Variants in ARHGEF4 observed in about 807,000 individuals in gnomAD.
ARHGEF4 encodes the protein APC-stimulated guanine nucleotide exchange factor 1.
Under a neutral mutation model 162.0 loss-of-function variants are expected in ARHGEF4, and 119 were observed. That is an observed-to-expected ratio of 0.73 (90% confidence interval 0.63 to 0.86). The LOEUF (loss-of-function observed/expected upper bound fraction) is 0.86, where lower values mean the gene tolerates loss of function less well. Ranked by LOEUF, ARHGEF4 falls within the 40% of genes least tolerant of loss-of-function variation. ARHGEF4 has a pLI of 0.00. For synonymous variants in ARHGEF4, 1,014 were observed against 979.9 expected (o/e 1.03, Z -0.65); for missense variants, 2,488 against 2,456.0 (o/e 1.01, Z -0.28).
At chr2:130,907,115 C>T (rs1402655186) in intron 1 of ARHGEF4, among the ~76,000 whole-genome samples, 3 of 151,446 alleles carry the variant, frequency 2.0e-5, no homozygotes, top group Non-Finnish European at 4.4e-5. Context: ...ATAAATGGAT[C>T]ATACAATATG....
intron 4 of ARHGEF4, among the ~76,000 whole-genome samples, chr2:131,001,904 A>G (rs1687796607): frequency 1.3e-5 from 2 of 152,200 alleles, no homozygotes; most frequent in Admixed American, 1.3e-4. Context: ...CTGGAGAGGA[A>G]GCTAGGGAGG....
chr2:130,844,036 C>G (rs775235392), intron 1 of ARHGEF4, among the ~76,000 whole-genome samples: 26 of 152,234 alleles, frequency 1.7e-4, no homozygotes, highest in Non-Finnish European at 2.9e-4. Flanking sequence ...GAGACTCCAG[C>G]CACTGTTTAT....
intron 1 of ARHGEF4, among the ~76,000 whole-genome samples, chr2:130,891,040 A>G (rs1480361215): frequency 6.6e-6 from 1 of 152,148 alleles, no homozygotes; most frequent in Non-Finnish European, 1.5e-5. Context: ...TAGTGAGTGT[A>G]TCTCTGCCTC....
intron 4 of ARHGEF4, among the ~76,000 whole-genome samples, chr2:130,957,001 A>G (rs886837765): frequency 6.6e-6 from 1 of 152,116 alleles, no homozygotes; most frequent in Non-Finnish European, 1.5e-5. Context: ...ATATAAATAC[A>G]TAAAAAATAA....
intron 6 of ARHGEF4, 131 bp from the exon 7 acceptor site, chr2:131,039,885 G>A (rs1158727806): frequency 7.0e-7 from 1 of 1,431,856 alleles, no homozygotes; most frequent in East Asian, 2.6e-5. Context: ...GGAGCTGGCC[G>A]GCCAGTCCTC....
At position 131,046,415 on chromosome 2, in the gene ARHGEF4, ACACCG is replaced by A; in HGVS notation, c.*228_*232del. 2 of 547,248 alleles carry A rather than the reference ACACCG, an allele frequency of 3.7e-6. No individual in the cohort carries two copies. The highest frequency in any genetic ancestry group is 6.5e-6 in the Non-Finnish European group (2 of 309,060). The allele number at this position is 547,248 out of a possible 1,614,324, so 33.9% of individuals were successfully genotyped here. A position where few individuals can be genotyped will look rare whatever the true frequency, so the allele number is the denominator to read the frequency against. On this transcript the variant is annotated 3_prime_UTR_variant, in exon 14 of 14. Coordinates refer to ENST00000409359, the MANE Select transcript of ARHGEF4 (RefSeq NM_001367493.1). The stretch of plus-strand genomic sequence containing the variant: ...CAAGGGGGCAGACCCCGCACTCGCC[ACACCG>A]CCGCTGCAGCTTGGGCCCCATCCGC...
At chr2:130,976,899 ATTAG>A (rs1006899100) in intron 4 of ARHGEF4, among the ~76,000 whole-genome samples, 4 of 151,458 alleles carry the variant, frequency 2.6e-5, no homozygotes, top group Admixed American at 1.3e-4. Context: ...TGTGGTATGC[ATTAG>A]TGTGTGGTGT....
At chr2:130,878,979 C>A (rs894653324) in intron 1 of ARHGEF4, among the ~76,000 whole-genome samples, 1 of 152,172 alleles carries the variant, frequency 6.6e-6, no homozygotes, top group Non-Finnish European at 1.5e-5. Context: ...CCAGGCAAGG[C>A]AACATGGGAG....
At chr2:130,925,716 G>A (rs1488622029) in intron 2 of ARHGEF4, among the ~76,000 whole-genome samples, 2 of 152,174 alleles carry the variant, frequency 1.3e-5, no homozygotes, top group Non-Finnish European at 2.9e-5. Context: ...TAAGGAAGGT[G>A]TCTTTTTACC....
chr2:130,876,594 A>T (rs376381408), intron 1 of ARHGEF4, among the ~76,000 whole-genome samples: 1 of 152,018 alleles, frequency 6.6e-6, no homozygotes, highest in Admixed American at 6.6e-5. Flanking sequence ...GGGTTTCACC[A>T]TGTTAGCCAG....
chr2:131,040,098 C>G lies in ARHGEF4; in HGVS notation c.4388C>G (p.Ala1463Gly), dbSNP rs773215317. 1 of 1,610,006 alleles carries G rather than the reference C, an allele frequency of 6.2e-7. No individual in the cohort carries two copies. Among genetic ancestry groups the G allele is most frequent in the Non-Finnish European group, 8.5e-7 (1 of 1,177,884 alleles). Residue 1463 changes from alanine (A) to glycine (G), a missense_variant, in exon 7 of 14, where the codon GCG becomes GGG. Physicochemically the swap from Ala to Gly is moderately conservative, Grantham distance 60 (BLOSUM62 0). This residue lies in a region of ARHGEF4 where 174 missense variants were observed against 148.3 expected (regional missense o/e 1.17). Transcript: ENST00000409359. ...NSGAEDGGAE[A>G]QSSKDQMRTN... is the part of the protein sequence containing the mutation. ...GGAGCGGAGGACGGCGGGGCGGAGGCGCAGAGCAGCAAGGACCAGATGCGG... is the reference window on the plus strand; with the variant it reads ...GGAGCGGAGGACGGCGGGGCGGAGGGGCAGAGCAGCAAGGACCAGATGCGG...
intron 1 of ARHGEF4, among the ~76,000 whole-genome samples, chr2:130,888,348 G>A (rs1196279124): frequency 6.6e-6 from 1 of 151,884 alleles, no homozygotes; most frequent in African/African-American, 2.4e-5. Context: ...GCAGGTGCCT[G>A]TAATCCCAGC....
Position 130,917,463 on chromosome 2 carries a change from A to G in ARHGEF4, c.3517A>G (p.Thr1173Ala). ...EGGQGPRGLGTVPWLRDLPGS... is the reference protein window; with the variant it reads ...EGGQGPRGLGAVPWLRDLPGS... ...AGGCCAGGGTCCGCGCGGCTTGGGC[A>G]CAGTGCCCTGGCTCAGGGACCTTCC... The change falls in exon 2 of 14, where the codon ACA becomes GCA. Residue 1173 changes from threonine (T) to alanine (A), a missense_variant. Coordinates refer to ENST00000409359, the MANE Select transcript of ARHGEF4 (RefSeq NM_001367493.1). The G allele has an allele frequency of 6.4e-7, 1 of 1,550,518 alleles. No homozygotes were observed. Among genetic ancestry groups the G allele is most frequent in the Non-Finnish European group, 8.7e-7 (1 of 1,146,954 alleles).
At chr2:130,959,332 C>T (rs1684499162) in intron 4 of ARHGEF4, among the ~76,000 whole-genome samples, 2 of 152,012 alleles carry the variant, frequency 1.3e-5, no homozygotes, top group South Asian at 4.1e-4. Flanking sequence ...TTGCCAAGGA[C>T]ATTGATGGTA....
intron 3 of ARHGEF4, 66 bp downstream of exon 3, chr2:130,931,323 G>C: frequency 2.0e-6 from 3 of 1,467,822 alleles, no homozygotes; most frequent in Non-Finnish European, 2.7e-6. Flanking sequence ...GCAGCTGCCT[G>C]TTGCTTCCTG....
At chr2:130,996,661 C>T (rs1687412533) in intron 4 of ARHGEF4, among the ~76,000 whole-genome samples, 1 of 152,132 alleles carries the variant, frequency 6.6e-6, no homozygotes, top group Non-Finnish European at 1.5e-5. Flanking sequence ...GATGCCTATC[C>T]AGGAAGAGAC....
At chr2:130,847,281 G>A (rs375287208) in intron 1 of ARHGEF4, among the ~76,000 whole-genome samples, 185 of 152,286 alleles carry the variant, frequency 1.2e-3, no homozygotes, top group African/African-American at 4.2e-3. Context: ...GACCAGGGGC[G>A]TCTCCTGCTT....
At chr2:130,996,535 C>A (rs1687405486) in intron 4 of ARHGEF4, among the ~76,000 whole-genome samples, 1 of 152,132 alleles carries the variant, frequency 6.6e-6, no homozygotes, top group South Asian at 2.1e-4. Flanking sequence ...CACATTTTAT[C>A]AATTATTCCA....
chr2:131,019,938 T>C (rs1689007986), intron 4 of ARHGEF4, among the ~76,000 whole-genome samples: 1 of 152,198 alleles, frequency 6.6e-6, no homozygotes, highest in African/African-American at 2.4e-5. Context: ...CTGGCCAGTA[T>C]TTTATTCTTT....
Sources: gnomAD v4.1 joint callset for allele counts (sites outside exome capture counted in the v4.1 genomes callset) on GRCh38, gnomAD v4.1.1 for gene constraint, gnomAD v4.1.1 regional missense constraint, MANE v1.5 for transcripts, NCBI Gene and HGNC (gene_info 2026-07-23, HGNC 2026-07-21) for gene names.